Variants in MANBA observed in about 807,000 individuals in gnomAD.
The protein encoded by MANBA is beta-mannosidase.
In MANBA, 83 loss-of-function variants were observed where a neutral mutation model predicts 111.1. The observed-to-expected ratio is 0.75, with a 90% CI of 0.63 to 0.90. The LOEUF (loss-of-function observed/expected upper bound fraction) is 0.90. MANBA is among the 40% of genes least tolerant of loss of function. MANBA has a pLI of 0.00. For missense variants in MANBA, 1,036 were observed against 1,069.0 expected, an observed-to-expected ratio of 0.97 and a Z score of 0.43; for synonymous variants, 370 against 378.7, an observed-to-expected ratio of 0.98 and a Z score of 0.27.
chr4:102,682,792 A>G (rs227280), intron 7 of MANBA: 97,846 of 151,976 alleles, frequency 0.64, 31,743 homozygotes, highest in South Asian at 0.79. Flanking sequence ...ATGATGAGAA[A>G]CTGGAAGGGG....
At chr4:102,696,783 T>G (rs371436932) in intron 5 of MANBA, among the ~76,000 whole-genome samples, 45 of 152,242 alleles carry the variant, frequency 3.0e-4, no homozygotes, top group South Asian at 2.9e-3. Flanking sequence ...TAATAGAGTA[T>G]GAAAAGCTGC....
At chr4:102,728,782 C>G (rs1266516348) in intron 1 of MANBA, 4 of 952,686 alleles carry the variant, frequency 4.2e-6, no homozygotes, top group Non-Finnish European at 6.3e-6. Flanking sequence ...AGGACACCAG[C>G]CTCCCATCAT....
intron 13 of MANBA, among the ~76,000 whole-genome samples, chr4:102,642,496 A>C (rs1729923173): frequency 1.3e-5 from 2 of 151,918 alleles, no homozygotes; most frequent in Admixed American, 6.6e-5. Flanking sequence ...AGTCCCAGCT[A>C]CTCGGGAAGC....
chr4:102,747,158 G>GAT (rs144093849), intron 1 of MANBA, among the ~76,000 whole-genome samples: 3,055 of 145,188 alleles, frequency 0.021, 200 homozygotes, highest in African/African-American at 0.076. Flanking sequence ...GAACTAATGG[G>GAT]ATATATATAT....
intron 5 of MANBA, among the ~76,000 whole-genome samples, chr4:102,704,505 AATT>A (rs1733209075): frequency 6.6e-6 from 1 of 152,120 alleles, no homozygotes; most frequent in African/African-American, 2.4e-5. Flanking sequence ...TTCACACTTA[AATT>A]TTAAAAATGA....
chr4:102,708,482 C>T lies in MANBA; in HGVS notation c.673+5956G>A, dbSNP rs530136149. Among the ~76,000 whole-genome samples, 94 of 151,946 alleles carry T rather than the reference C, an allele frequency of 6.2e-4. 1 individual carries two copies. The highest frequency in any genetic ancestry group is 2.2e-3 in the African/African-American group (91 of 41,478). On this transcript the variant is annotated intron_variant, in intron 5 of 16. Transcript: ENST00000647097. ...AAAATTGAAGCACAACATATTAAAA[C>T]CTATGGAATACAGCAAAAGCAGTGC...
chr4:102,743,856 T>A (rs1723498788), intron 1 of MANBA, among the ~76,000 whole-genome samples: 1 of 152,218 alleles, frequency 6.6e-6, no homozygotes, highest in Non-Finnish European at 1.5e-5. Flanking sequence ...AGTAGTTATC[T>A]GCAGAAGATG....
chr4:102,659,719 A>G (rs947336387), intron 11 of MANBA, among the ~76,000 whole-genome samples: 2 of 152,136 alleles, frequency 1.3e-5, no homozygotes, highest in African/African-American at 4.8e-5. Context: ...ATGTTTTTCA[A>G]AAATTACCCA....
chr4:102,728,834 G>C, intron 1 of MANBA: 1 of 918,792 alleles, frequency 1.1e-6, no homozygotes, highest in Non-Finnish European at 1.7e-6. Flanking sequence ...GGTGGTGCTG[G>C]TGCGGCTGAA....
chr4:102,743,476 C>T (rs1365854153), intron 1 of MANBA, among the ~76,000 whole-genome samples: 7 of 152,186 alleles, frequency 4.6e-5, no homozygotes, highest in African/African-American at 1.2e-4. Flanking sequence ...TCGTGCAGAA[C>T]CATCTATAAA....
chr4:102,650,820 C>G, intron 12 of MANBA, 119 bp from the exon 13 acceptor site: 1 of 773,130 alleles, frequency 1.3e-6, no homozygotes, highest in Non-Finnish European at 2.2e-6. Context: ...GAGGTTTGTT[C>G]TGTGGCTCCA....
chr4:102,682,748 G>A (rs551669923), intron 7 of MANBA: 1 of 152,354 alleles, frequency 6.6e-6, no homozygotes, highest in Non-Finnish European at 1.5e-5. Flanking sequence ...ACAGAGATCA[G>A]AGTGATGCAT....
chr4:102,707,951 C>G (rs1488314918), intron 5 of MANBA, among the ~76,000 whole-genome samples: 1 of 152,088 alleles, frequency 6.6e-6, no homozygotes, highest in Non-Finnish European at 1.5e-5. Flanking sequence ...ATCAAATCCA[C>G]AAGAGAATAT....
chr4:102,731,369 A>C (rs1042678561), intron 1 of MANBA, among the ~76,000 whole-genome samples: 2 of 150,330 alleles, frequency 1.3e-5, no homozygotes, highest in Non-Finnish European at 2.9e-5. Flanking sequence ...TCTACTGCCC[A>C]AAAGTCAGCA....
chr4:102,751,806 G>C lies in MANBA; in HGVS notation c.177+8912C>G, dbSNP rs879653064. On this transcript the variant is annotated intron_variant, in intron 1 of 16. Coordinates refer to ENST00000647097, the MANE Select transcript of MANBA (RefSeq NM_005908.4). The stretch of plus-strand genomic sequence containing the variant: ...GGAAAGAAAGTCAATAATGACAATT[G>C]TTGGACATAGGGATGTCTTAAAAGA... 6 of 513,162 alleles carry C rather than the reference G, an allele frequency of 1.2e-5. No homozygotes were observed. The Admixed American group carries it at 1.3e-4, about 11-fold the overall frequency. 31.8% of individuals were successfully genotyped at this position (513,162 alleles called of 1,614,324 possible).
intron 1 of MANBA, among the ~76,000 whole-genome samples, chr4:102,733,244 C>T (rs1198856035): frequency 6.6e-6 from 1 of 152,162 alleles, no homozygotes; most frequent in Non-Finnish European, 1.5e-5. Flanking sequence ...CTAAGTACCA[C>T]TTAATCAAAC....
At chr4:102,737,072 G>C (rs1006212562) in intron 1 of MANBA, among the ~76,000 whole-genome samples, 3 of 152,170 alleles carry the variant, frequency 2.0e-5, no homozygotes, top group Non-Finnish European at 2.9e-5. Flanking sequence ...CCCAGCTTGA[G>C]TCCAGGGAAG....
chr4:102,672,761 C>A (rs530913812), intron 8 of MANBA, among the ~76,000 whole-genome samples: 20 of 152,232 alleles, frequency 1.3e-4, no homozygotes, highest in African/African-American at 3.9e-4. Flanking sequence ...ACTGTGCATG[C>A]GAAGGATACA....
chr4:102,725,572 G>A (rs1218298805), intron 2 of MANBA, among the ~76,000 whole-genome samples: 1 of 152,194 alleles, frequency 6.6e-6, no homozygotes, highest in African/African-American at 2.4e-5. Flanking sequence ...AAGTAAAATA[G>A]ACACTTGCTA....
Sources: allele counts gnomAD v4.1 joint callset (sites outside exome capture counted in the v4.1 genomes callset), GRCh38; gene constraint gnomAD v4.1.1; transcripts MANE v1.5; gene names NCBI Gene and HGNC (gene_info 2026-07-23, HGNC 2026-07-21).